HIPK2: variants seen among roughly 807,000 people sequenced by gnomAD.
HIPK2 encodes homeodomain interacting protein kinase 2.
A neutral mutation model predicts 113.7 loss-of-function variants in HIPK2; 27 were observed. The ratio of observed to expected loss-of-function variants is 0.24; its 90% CI spans 0.17 to 0.33. HIPK2 has a LOEUF of 0.33. Among genes scored for constraint, HIPK2 ranks in the 10% least tolerant of loss-of-function variants. The pLI is 1.00. For missense variants in HIPK2, 1,257 were observed against 1,588.0 expected (o/e 0.79, Z 3.54); for synonymous variants, 631 against 642.2 (o/e 0.98, Z 0.26).
At chr7:139,641,602 C>T (rs918301150) in intron 2 of HIPK2, among the ~76,000 whole-genome samples, 2 of 152,098 alleles carry the variant, frequency 1.3e-5, no homozygotes, top group African/African-American at 2.4e-5. Context: ...GAGCACAGCC[C>T]GGGGAACAGG....
At chr7:139,625,109 C>T (rs1275834688) in intron 6 of HIPK2, among the ~76,000 whole-genome samples, 1 of 152,204 alleles carries the variant, frequency 6.6e-6, no homozygotes, top group Non-Finnish European at 1.5e-5. Flanking sequence ...ACATGCCCCT[C>T]GTCCATCTAT....
At chr7:139,758,579 G>A (rs961852200) in intron 1 of HIPK2, among the ~76,000 whole-genome samples, 3 of 152,122 alleles carry the variant, frequency 2.0e-5, no homozygotes, top group African/African-American at 4.8e-5. Context: ...GAGCATTACC[G>A]GCTGAGCTCC....
Position 139,771,666 on chromosome 7 carries a change from G to A in HIPK2, c.19+5939C>T, listed in dbSNP as rs150302014. Among the ~76,000 whole-genome samples the A allele has an allele frequency of 2.5e-3, 380 of 152,194 alleles. 3 individuals are homozygous for A. Among genetic ancestry groups the A allele is most frequent in the African/African-American group, 8.3e-3 (343 of 41,518 alleles). On this transcript the variant is annotated intron_variant, in intron 1 of 14. Transcript: ENST00000406875. ...ACGATGATGCAAGAACCCTGAAGTC[G>A]TTTTTCTCTTATATGCGGTACTAAT...
intron 2 of HIPK2, among the ~76,000 whole-genome samples, chr7:139,712,638 A>G (rs566131626): frequency 2.5e-4 from 38 of 152,366 alleles, no homozygotes; most frequent in African/African-American, 7.2e-4. Context: ...AGCTGAAAGC[A>G]TCTGAAAGCG....
rs142914111 is a variant in HIPK2 at position 139,681,097 on chromosome 7, C to T, written c.1103+34835G>A. ...CTGAGGGAGCCGGTAACACATCTCT[C>T]CTGATATAAATGTACAGGAGAGCCC... On this transcript the variant is annotated intron_variant, in intron 2 of 14. Coordinates refer to ENST00000406875, the MANE Select transcript of HIPK2 (RefSeq NM_022740.5). Among the ~76,000 whole-genome samples, 44 of 152,358 alleles carry T rather than the reference C, an allele frequency of 2.9e-4. No homozygotes were observed. The East Asian group carries it at 6.7e-3, about 23-fold the overall frequency.
intron 2 of HIPK2, among the ~76,000 whole-genome samples, chr7:139,665,401 C>G (rs1802015377): frequency 6.6e-6 from 1 of 152,162 alleles, no homozygotes; most frequent in Non-Finnish European, 1.5e-5. Flanking sequence ...TCTTTTTTAT[C>G]TCACATTCAA....
At chr7:139,732,134 A>C (rs1490043693) in intron 1 of HIPK2, among the ~76,000 whole-genome samples, 1 of 152,244 alleles carries the variant, frequency 6.6e-6, no homozygotes, top group Non-Finnish European at 1.5e-5. Context: ...TGTGCTTTGT[A>C]AACTATAAAG....
intron 2 of HIPK2, among the ~76,000 whole-genome samples, chr7:139,649,976 T>G (rs1023463434): frequency 9.2e-5 from 14 of 152,046 alleles, no homozygotes; most frequent in African/African-American, 3.4e-4. Flanking sequence ...AGAGGTGGTA[T>G]GGGTAGGATT....
chr7:139,651,718 A>G (rs1801465080), intron 2 of HIPK2, among the ~76,000 whole-genome samples: 2 of 152,240 alleles, frequency 1.3e-5, no homozygotes, highest in Admixed American at 1.3e-4. Context: ...TTATTAAACA[A>G]ACAAACAAAC....
At chr7:139,699,977 G>A (rs1209307583) in intron 2 of HIPK2, among the ~76,000 whole-genome samples, 9 of 152,226 alleles carry the variant, frequency 5.9e-5, no homozygotes, top group Non-Finnish European at 1.3e-4. Flanking sequence ...CTGTGCAGTG[G>A]TGTCAGCATC....
intron 2 of HIPK2, among the ~76,000 whole-genome samples, chr7:139,686,809 G>T (rs1794236498): frequency 6.6e-6 from 1 of 152,206 alleles, no homozygotes; most frequent in Non-Finnish European, 1.5e-5. Flanking sequence ...CAGTGGCAGG[G>T]TCTGAAAGGA....
At position 139,714,029 on chromosome 7, in the gene HIPK2, T is replaced by C. The variant is rs1585410214; in HGVS notation, c.1103+1903A>G. ...GCCCTGGGCTTACTTCTCCCTGCCA[T>C]TGGCTCTGGGGCCAGCGGGGCACAG... On this transcript the variant is annotated intron_variant, in intron 2 of 14. Transcript: ENST00000406875. This position sits in a 1 kb window ranked among gnomAD's most constrained non-coding sequence, Gnocchi z 4.2. Among the ~76,000 whole-genome samples, 1 of 152,168 alleles carries C rather than the reference T, an allele frequency of 6.6e-6. No individual in the cohort carries two copies. The highest frequency in any genetic ancestry group is 2.1e-4 in the South Asian group (1 of 4,832).
At chr7:139,687,591 A>AT (rs1794264184) in intron 2 of HIPK2, among the ~76,000 whole-genome samples, 1 of 152,198 alleles carries the variant, frequency 6.6e-6, no homozygotes, top group African/African-American at 2.4e-5. Flanking sequence ...GGTATGGGTG[A>AT]TAAGCTGCCC....
At chr7:139,763,635 C>G (rs1381277481) in intron 1 of HIPK2, among the ~76,000 whole-genome samples, 2 of 152,202 alleles carry the variant, frequency 1.3e-5, no homozygotes, top group Admixed American at 6.5e-5. Flanking sequence ...AACCCCCAGA[C>G]AAGGGATGGC....
Position 139,623,178 on chromosome 7 carries a change from T to C in HIPK2, c.1620-2615A>G, listed in dbSNP as rs1402702582. ...GCTTTTCTTCTTCTTGTGGTACAGATGGACAGCTCTGTGGCTGACCCCTAT... is the reference window on the plus strand; with the variant it reads ...GCTTTTCTTCTTCTTGTGGTACAGACGGACAGCTCTGTGGCTGACCCCTAT... On this transcript the variant is annotated intron_variant, in intron 6 of 14. Coordinates refer to ENST00000406875, the MANE Select transcript of HIPK2 (RefSeq NM_022740.5). Among the ~76,000 whole-genome samples, 3 of 152,050 alleles carry C rather than the reference T, an allele frequency of 2.0e-5. 1 individual carries two copies. The highest frequency in any genetic ancestry group is 7.2e-5 in the African/African-American group (3 of 41,414).
intron 14 of HIPK2, among the ~76,000 whole-genome samples, chr7:139,574,878 G>A (rs564332460): frequency 6.6e-6 from 1 of 152,372 alleles, no homozygotes; most frequent in East Asian, 1.9e-4. Context: ...ATGTCACTAA[G>A]GGCTTTGTAA....
At chr7:139,770,620 C>T (rs1359322706) in intron 1 of HIPK2, among the ~76,000 whole-genome samples, 1 of 152,224 alleles carries the variant, frequency 6.6e-6, no homozygotes, top group Non-Finnish European at 1.5e-5. Context: ...CTATGGTGAT[C>T]TCTCACTGCG....
At chr7:139,742,574 T>C (rs1796121392) in intron 1 of HIPK2, among the ~76,000 whole-genome samples, 1 of 152,226 alleles carries the variant, frequency 6.6e-6, no homozygotes, top group African/African-American at 2.4e-5. Context: ...AATAATGGAT[T>C]GGATAATCCC....
chr7:139,654,122 C>G (rs1447609322), intron 2 of HIPK2, among the ~76,000 whole-genome samples: 1 of 152,214 alleles, frequency 6.6e-6, no homozygotes, highest in Non-Finnish European at 1.5e-5. Flanking sequence ...CTCAATGACA[C>G]AGGGGCTGCC....
Sources: gnomAD v4.1 joint callset for allele counts (sites outside exome capture counted in the v4.1 genomes callset) on GRCh38, gnomAD v4.1.1 for gene constraint, Gnocchi (gnomAD v3.1) non-coding constraint, MANE v1.5 for transcripts, NCBI Gene and HGNC (gene_info 2026-07-23, HGNC 2026-07-21) for gene names.